Variants in NLGN4X observed in about 807,000 individuals in gnomAD.
NLGN4X encodes neuroligin-4, X-linked.
A neutral mutation model predicts 40.3 loss-of-function variants in NLGN4X; 3 were observed. The ratio of observed to expected loss-of-function variants is 0.07; its 90% CI spans 0.03 to 0.19. The LOEUF (loss-of-function observed/expected upper bound fraction) is 0.19, where lower values mean the gene tolerates loss of function less well. Among genes scored for constraint, NLGN4X ranks in the 10% least tolerant of loss-of-function variants. The pLI is 1.00. For missense variants in NLGN4X, 382 were observed against 708.3 expected, an observed-to-expected ratio of 0.54 and a Z score of 5.23; for synonymous variants, 270 against 306.8, an observed-to-expected ratio of 0.88 and a Z score of 1.25.
intron 3 of NLGN4X, among the ~76,000 whole-genome samples, chrX:5,925,835 TATATATATACATACAC>T (rs1348498138): frequency 5.3e-5 from 3 of 56,529 alleles, no homozygotes; most frequent in Non-Finnish European, 6.0e-5. Flanking sequence ...CATATATATA[TATATATATACATACAC>T]ATATATATAT....
intron 3 of NLGN4X, among the ~76,000 whole-genome samples, chrX:5,995,661 T>C (rs1191518654): frequency 8.9e-6 from 1 of 112,367 alleles, no homozygotes; most frequent in Non-Finnish European, 1.9e-5. Context: ...GACAGACTTC[T>C]AAGGAGTCCT....
chrX:5,921,432 A>AGAGG (rs2033056112), intron 3 of NLGN4X, among the ~76,000 whole-genome samples: 9 of 105,773 alleles, frequency 8.5e-5, no homozygotes, highest in Non-Finnish European at 1.9e-5. Flanking sequence ...AGAGAGAGAG[A>AGAGG]GAGGAGAGAC....
chrX:6,021,503 A>G (rs1339606864), intron 3 of NLGN4X, among the ~76,000 whole-genome samples: 12 of 110,668 alleles, frequency 1.1e-4, no homozygotes, highest in African/African-American at 3.9e-4. Flanking sequence ...CAATGAATGC[A>G]GTGGGCATTT....
chrX:5,986,942 T>C lies in NLGN4X; in HGVS notation c.625+42338A>G, dbSNP rs943951837. 6.2e-5 allele frequency among the ~76,000 whole-genome samples: 7 copies of C among 112,137 alleles called. No homozygotes were observed. The Admixed American group carries it at 6.7e-4, about 11-fold the overall frequency. On this transcript the variant is annotated intron_variant, in intron 3 of 5. Transcript: ENST00000381095. ...GTTCATCCTTATATAAACTATACAG[T>C]TGAAGATTTGAACCAGCAATTCCAT...
chrX:5,891,001 A>C lies in NLGN4X; in HGVS notation c.*1816T>G. Reference sequence around the variant, plus strand: ...AGATTTAAGACTGGATTTCTAGAATAACCCACAATGGAGCCGAGGAACATG... The same window carrying C: ...AGATTTAAGACTGGATTTCTAGAATCACCCACAATGGAGCCGAGGAACATG... On this transcript the variant is annotated 3_prime_UTR_variant, in exon 6 of 6. Coordinates refer to ENST00000381095, the MANE Select transcript of NLGN4X (RefSeq NM_181332.3). The C allele has an allele frequency of 3.3e-6, 1 of 303,982 alleles. No individual in the cohort carries two copies. The allele number at this position is 303,982 out of a possible 1,213,427, so 25.1% of individuals were successfully genotyped here. A position where few individuals can be genotyped will look rare whatever the true frequency, so the allele number is the denominator to read the frequency against.
chrX:5,905,960 T>C (rs1206126897), intron 4 of NLGN4X, among the ~76,000 whole-genome samples: 1 of 112,282 alleles, frequency 8.9e-6, no homozygotes, highest in African/African-American at 3.2e-5. Context: ...AGTGCCTGGC[T>C]TGTATTTTTC....
intron 1 of NLGN4X, among the ~76,000 whole-genome samples, chrX:6,173,371 G>A (rs1348993952): frequency 9.0e-6 from 1 of 111,509 alleles, no homozygotes; most frequent in Non-Finnish European, 1.9e-5. Flanking sequence ...CATTCTCCCC[G>A]AAGGCTGGCC....
intron 1 of NLGN4X, among the ~76,000 whole-genome samples, chrX:6,214,774 G>A (rs1181635921): frequency 9.0e-6 from 1 of 111,724 alleles, no homozygotes; most frequent in Non-Finnish European, 1.9e-5. Flanking sequence ...CACAGACAAA[G>A]CCCTGTAAGG....
Position 5,892,871 on chromosome X carries a change from A to G in NLGN4X, c.2397T>C (p.Ser799=), listed in dbSNP as rs764265488. 8.3e-7 allele frequency: 1 copy of G among 1,211,431 alleles called. No homozygotes were observed. The highest frequency in any genetic ancestry group is 3.0e-5 in the East Asian group (1 of 33,804). The change falls in exon 6 of 6, where the codon AGT becomes AGC. Residue 799 remains serine (S), a synonymous_variant. Transcript: ENST00000381095. ...GTAAATTTGTACTGTTTTGTCCTCC[A>G]CTGAAGGTGTTAAAAGTGTGCAAAG... is the stretch of plus-strand genomic sequence containing the variant. ...MQPLHTFNTF[S]GGQNSTNLPH...
At chrX:6,139,185 G>A (rs1285684497) in intron 2 of NLGN4X, among the ~76,000 whole-genome samples, 1 of 111,780 alleles carries the variant, frequency 8.9e-6, no homozygotes, top group African/African-American at 3.2e-5. Flanking sequence ...ATTTGGAGGA[G>A]ACTGAAAGCT....
At chrX:6,131,151 A>G (rs1287752412) in intron 2 of NLGN4X, among the ~76,000 whole-genome samples, 1 of 111,392 alleles carries the variant, frequency 9.0e-6, no homozygotes, top group Non-Finnish European at 1.9e-5. Context: ...TTTGCAGCCT[A>G]ACTTAGAAAG....
intron 1 of NLGN4X, among the ~76,000 whole-genome samples, chrX:6,225,011 T>TATATATATATAC (rs1461463258): frequency 9.5e-4 from 47 of 49,505 alleles, no homozygotes; most frequent in African/African-American, 3.2e-3. Context: ...TATATATATA[T>TATATATATATAC]ACACACACAC....
chrX:6,172,762 G>T (rs1229126401), intron 1 of NLGN4X, among the ~76,000 whole-genome samples: 1 of 111,817 alleles, frequency 8.9e-6, no homozygotes, highest in Non-Finnish European at 1.9e-5. Flanking sequence ...ATAGCCAGGG[G>T]TCCTTCCTCA....
At chrX:6,071,582 C>A (rs2038065022) in intron 2 of NLGN4X, among the ~76,000 whole-genome samples, 3 of 111,315 alleles carry the variant, frequency 2.7e-5, no homozygotes, top group Non-Finnish European at 1.9e-5. Context: ...TCAGATGGAT[C>A]CCCTCATGGT....
At chrX:6,062,748 C>T (rs925826815) in intron 2 of NLGN4X, among the ~76,000 whole-genome samples, 22 of 110,852 alleles carry the variant, frequency 2.0e-4, no homozygotes, top group African/African-American at 5.9e-4. Context: ...GGACTGCACA[C>T]GCTCTCTCTT....
At chrX:6,128,260 G>A (rs974594206) in intron 2 of NLGN4X, among the ~76,000 whole-genome samples, 1 of 111,726 alleles carries the variant, frequency 9.0e-6, no homozygotes, top group Non-Finnish European at 1.9e-5. Context: ...TTACACCACT[G>A]TAAATAGTCT....
At chrX:6,215,493 G>A (rs936208245) in intron 1 of NLGN4X, among the ~76,000 whole-genome samples, 1 of 108,058 alleles carries the variant, frequency 9.3e-6, no homozygotes, top group South Asian at 4.2e-4. Context: ...AGGTTGCGGT[G>A]AGCCGAGACT....
intron 2 of NLGN4X, among the ~76,000 whole-genome samples, chrX:6,137,023 G>A (rs2039835711): frequency 8.9e-6 from 1 of 112,233 alleles, no homozygotes; most frequent in Non-Finnish European, 1.9e-5. Context: ...TTCATTTCTG[G>A]GGCTTTGTAA....
chrX:6,105,163 C>CCATTCT (rs1403725857), intron 2 of NLGN4X, among the ~76,000 whole-genome samples: 1 of 110,266 alleles, frequency 9.1e-6, no homozygotes, highest in East Asian at 2.9e-4. Flanking sequence ...CAGGGTCAAG[C>CCATTCT]CATTCTCCTG....
Sources: gnomAD v4.1 joint callset for allele counts (sites outside exome capture counted in the v4.1 genomes callset) on GRCh38, gnomAD v4.1.1 for gene constraint, MANE v1.5 for transcripts, NCBI Gene and HGNC (gene_info 2026-07-23, HGNC 2026-07-21) for gene names.